Variants in FCHSD2 observed in about 807,000 individuals in gnomAD.
The protein encoded by FCHSD2 is F-BAR and double SH3 domains protein 2.
A neutral mutation model predicts 108.1 loss-of-function variants in FCHSD2; 38 were observed. That is an observed-to-expected ratio of 0.35 (90% CI 0.27 to 0.46). FCHSD2 has a LOEUF of 0.46. FCHSD2 is among the 20% of genes least tolerant of loss of function. The probability of loss-of-function intolerance (pLI) is 1.00; values close to 1 mark genes in which losing one functional copy is unlikely to be tolerated. For synonymous variants in FCHSD2, 279 were observed against 314.7 expected, an observed-to-expected ratio of 0.89 and a Z score of 1.20; for missense variants, 751 against 897.8, an observed-to-expected ratio of 0.84 and a Z score of 2.09.
intron 9 of FCHSD2, among the ~76,000 whole-genome samples, chr11:72,918,117 T>C (rs1855912495): frequency 6.6e-6 from 1 of 152,224 alleles, no homozygotes; most frequent in Non-Finnish European, 1.5e-5. Context: ...TTAACTCCTT[T>C]GGTTAAGTTT....
At chr11:73,122,863 A>C (rs971564952) in intron 2 of FCHSD2, among the ~76,000 whole-genome samples, 1 of 152,232 alleles carries the variant, frequency 6.6e-6, no homozygotes, top group African/African-American at 2.4e-5. Flanking sequence ...TTTACAAAGA[A>C]TCTACAAGAT....
intron 12 of FCHSD2, among the ~76,000 whole-genome samples, chr11:72,882,586 T>C (rs1318729566): frequency 2.0e-5 from 3 of 152,248 alleles, no homozygotes; most frequent in African/African-American, 7.2e-5. Flanking sequence ...GTGATAGATA[T>C]CTTAATTACT....
intron 2 of FCHSD2, among the ~76,000 whole-genome samples, chr11:73,123,033 ATAAT>A (rs923743962): frequency 7.9e-5 from 12 of 152,226 alleles, no homozygotes; most frequent in Admixed American, 7.2e-4. Context: ...AAACCACAAA[ATAAT>A]TAATTTTAAA....
At chr11:72,920,313 T>C (rs1299813898) in intron 9 of FCHSD2, among the ~76,000 whole-genome samples, 2 of 152,072 alleles carry the variant, frequency 1.3e-5, no homozygotes, top group African/African-American at 4.8e-5. Flanking sequence ...TGACATCAAA[T>C]CTGATAAATG....
chr11:73,123,457 G>A (rs7930169), intron 2 of FCHSD2, among the ~76,000 whole-genome samples: 4 of 152,062 alleles, frequency 2.6e-5, no homozygotes, highest in African/African-American at 4.8e-5. Flanking sequence ...TTATATATGC[G>A]CAGGCCTCTC....
rs766613200 is a variant in FCHSD2 at position 72,843,502 on chromosome 11, C to T, written c.1474G>A (p.Glu492Lys). ...TCAATCACTTCTAACACCTCATGTTCCTCAATGGTCAACTCATCTGGTTGA... is the reference window on the plus strand; with the variant it reads ...TCAATCACTTCTAACACCTCATGTTTCTCAATGGTCAACTCATCTGGTTGA... ...ASQPDELTIE[E>K]HEVLEVIEDG... The change falls in exon 15 of 20, where the codon GAA becomes AAA. Residue 492 changes from glutamate to lysine, a missense_variant. By Grantham distance (56) the Glu-to-Lys change is moderately conservative. Coordinates refer to ENST00000409418, the MANE Select transcript of FCHSD2 (RefSeq NM_014824.3). 1 of 1,613,840 alleles carries T rather than the reference C, an allele frequency of 6.2e-7. No homozygotes were observed. The highest frequency in any genetic ancestry group is 1.1e-5 in the South Asian group (1 of 91,084).
intron 8 of FCHSD2, chr11:72,940,866 A>C: frequency 1.1e-6 from 1 of 932,816 alleles, no homozygotes; most frequent in South Asian, 1.3e-5. Context: ...GGGTTGGTGA[A>C]GATTACACAT....
At chr11:73,108,055 T>C (rs1230060227) in intron 2 of FCHSD2, among the ~76,000 whole-genome samples, 1 of 152,230 alleles carries the variant, frequency 6.6e-6, no homozygotes, top group African/African-American at 2.4e-5. Context: ...GGTCCCCTTT[T>C]CTCCACATCC....
At chr11:72,848,046 CTT>C (rs1301836739) in intron 14 of FCHSD2, among the ~76,000 whole-genome samples, 2 of 152,098 alleles carry the variant, frequency 1.3e-5, no homozygotes, top group African/African-American at 4.8e-5. Context: ...TCGAGGCCTC[CTT>C]TTTGGTCTGG....
rs1189790900 is a variant in FCHSD2 at position 73,000,977 on chromosome 11, A to AT, written c.387+12dup. ...TATTAAAATGCATATAAGAACAGAA[A>AT]TAAAAACAATACCCTTTTTAGTTGC... is the stretch of plus-strand genomic sequence containing the variant. On this transcript the variant is annotated intron_variant, in intron 5 of 19. Transcript: ENST00000409418. The AT allele has an allele frequency of 6.3e-7, 1 of 1,592,572 alleles. No individual in the cohort carries two copies. Among genetic ancestry groups the AT allele is most frequent in the Non-Finnish European group, 8.6e-7 (1 of 1,168,016 alleles).
At chr11:72,868,249 C>A (rs1161153176) in intron 12 of FCHSD2, among the ~76,000 whole-genome samples, 1 of 152,110 alleles carries the variant, frequency 6.6e-6, no homozygotes, top group East Asian at 1.9e-4. Flanking sequence ...AAGGCAGGAA[C>A]AGAAAACCAA....
intron 3 of FCHSD2, among the ~76,000 whole-genome samples, chr11:73,056,907 C>A (rs956341050): frequency 1.3e-5 from 2 of 151,866 alleles, no homozygotes; most frequent in Non-Finnish European, 2.9e-5. Context: ...ACAGTGAAAC[C>A]CCATCTCTAC....
chr11:72,932,155 C>G (rs570925420), intron 8 of FCHSD2, among the ~76,000 whole-genome samples: 38 of 152,298 alleles, frequency 2.5e-4, no homozygotes, highest in African/African-American at 9.1e-4. Context: ...CTGTTAATTA[C>G]CAAATCTTAT....
intron 14 of FCHSD2, among the ~76,000 whole-genome samples, chr11:72,848,792 T>G (rs1861212723): frequency 6.6e-6 from 1 of 152,194 alleles, no homozygotes; most frequent in African/African-American, 2.4e-5. Context: ...TAAATTTTAG[T>G]TCTGGGACGT....
At chr11:73,051,176 C>A (rs77960535) in intron 3 of FCHSD2, among the ~76,000 whole-genome samples, 3,654 of 152,112 alleles carry the variant, frequency 0.024, 143 homozygotes, top group African/African-American at 0.084. Flanking sequence ...ATTAGCAGGA[C>A]GTGGTGTCAC....
chr11:72,861,564 A>G (rs1861576672), intron 13 of FCHSD2, among the ~76,000 whole-genome samples: 1 of 152,192 alleles, frequency 6.6e-6, no homozygotes, highest in African/African-American at 2.4e-5. Context: ...ACCAGACAAG[A>G]ATACTACAAG....
intron 13 of FCHSD2, among the ~76,000 whole-genome samples, chr11:72,862,614 T>C (rs1393567746): frequency 6.6e-6 from 1 of 152,252 alleles, no homozygotes; most frequent in Non-Finnish European, 1.5e-5. Flanking sequence ...ATTATGTTCA[T>C]GGATTGGAAA....
chr11:73,112,277 A>C (rs939635129), intron 2 of FCHSD2, among the ~76,000 whole-genome samples: 4 of 152,128 alleles, frequency 2.6e-5, no homozygotes, highest in Non-Finnish European at 4.4e-5. Flanking sequence ...TCTAGGGTAA[A>C]AGATTTCCCC....
chr11:73,079,496 C>G (rs1859633316), intron 3 of FCHSD2, among the ~76,000 whole-genome samples: 2 of 152,116 alleles, frequency 1.3e-5, no homozygotes, highest in Admixed American at 1.3e-4. Flanking sequence ...CTTTGCCTGG[C>G]CTAGAAGTAA....
Sources: gnomAD v4.1 joint callset for allele counts (sites outside exome capture counted in the v4.1 genomes callset) on GRCh38, gnomAD v4.1.1 for gene constraint, MANE v1.5 for transcripts, NCBI Gene and HGNC (gene_info 2026-07-23, HGNC 2026-07-21) for gene names.